Variants in AP2B1 observed in about 807,000 individuals in gnomAD.
AP2B1 encodes the protein AP-2 complex subunit beta.
AP2B1 carries 23 observed loss-of-function variants against 102.0 expected under a neutral mutation model. That is an observed-to-expected ratio of 0.23 (90% CI 0.16 to 0.32). AP2B1 has a LOEUF of 0.32. Ranked by LOEUF, AP2B1 falls within the 10% of genes least tolerant of loss-of-function variation. The pLI, the probability that AP2B1 is intolerant of heterozygous loss-of-function variation, is 1.00. For synonymous variants in AP2B1, 381 were observed against 421.2 expected (o/e 0.90, Z 1.17); for missense variants, 541 against 1,157.4 (o/e 0.47, Z 7.73).
At chr17:35,687,291 A>T (rs1363571971) in intron 18 of AP2B1, among the ~76,000 whole-genome samples, 2 of 151,494 alleles carry the variant, frequency 1.3e-5, no homozygotes, top group Non-Finnish European at 2.9e-5. Context: ...TATATTTTTT[A>T]AAATTTTTTG....
chr17:35,656,598 T>TA (rs1326904532), intron 13 of AP2B1, among the ~76,000 whole-genome samples: 1 of 152,190 alleles, frequency 6.6e-6, no homozygotes, highest in Non-Finnish European at 1.5e-5. Flanking sequence ...TCTTATCATA[T>TA]AAAAAATCAA....
At chr17:35,660,196 A>T (rs1304100923) in intron 14 of AP2B1, 2 of 504,650 alleles carry the variant, frequency 4.0e-6, no homozygotes, top group Admixed American at 1.3e-4. Flanking sequence ...GCGTAGGCTC[A>T]TCTTGAACTC....
At chr17:35,625,094 T>C (rs1304274571) in intron 6 of AP2B1, among the ~76,000 whole-genome samples, 1 of 152,224 alleles carries the variant, frequency 6.6e-6, no homozygotes, top group East Asian at 1.9e-4. Context: ...CTGCTCAGCC[T>C]GTTACCATGT....
intron 11 of AP2B1, 34 bp downstream of exon 11, chr17:35,639,794 T>G: frequency 6.3e-7 from 1 of 1,593,348 alleles, no homozygotes; most frequent in Non-Finnish European, 8.6e-7. Context: ...CCTAGTAGTT[T>G]TAGATGTCTT....
intron 14 of AP2B1, chr17:35,660,137 G>T: frequency 1.1e-6 from 1 of 943,784 alleles, no homozygotes; most frequent in Non-Finnish European, 1.3e-6. Flanking sequence ...GTACAAGAGA[G>T]GGTTTGTTTT....
chr17:35,651,263 T>A (rs1341658977), intron 13 of AP2B1, among the ~76,000 whole-genome samples: 2 of 151,238 alleles, frequency 1.3e-5, no homozygotes, highest in Non-Finnish European at 2.9e-5. Flanking sequence ...AATGAAATAA[T>A]ATTTCAGTAT....
At chr17:35,619,400 T>C (rs879526695) in intron 5 of AP2B1, among the ~76,000 whole-genome samples, 1 of 152,020 alleles carries the variant, frequency 6.6e-6, no homozygotes, top group South Asian at 2.1e-4. Context: ...ATTAGCACTT[T>C]GGGAGGCCAA....
At chr17:35,597,663 C>T (rs936368974) in intron 2 of AP2B1, among the ~76,000 whole-genome samples, 2 of 152,112 alleles carry the variant, frequency 1.3e-5, no homozygotes, top group South Asian at 4.2e-4. Flanking sequence ...ATTTATTTGG[C>T]CCAGAGTGGA....
chr17:35,610,298 C>G (rs2073819746), intron 5 of AP2B1, among the ~76,000 whole-genome samples: 1 of 152,018 alleles, frequency 6.6e-6, no homozygotes, highest in Non-Finnish European at 1.5e-5. Flanking sequence ...CAGGTGCCCA[C>G]TACCATGCCC....
chr17:35,681,859 AT>A (rs2075829103), intron 17 of AP2B1, among the ~76,000 whole-genome samples: 1 of 152,178 alleles, frequency 6.6e-6, no homozygotes, highest in Admixed American at 6.5e-5. Context: ...ACTTAAGAAT[AT>A]TTTCTCCTTC....
chr17:35,646,261 G>T (rs1567891129), intron 12 of AP2B1, among the ~76,000 whole-genome samples: 1 of 152,152 alleles, frequency 6.6e-6, no homozygotes, highest in Non-Finnish European at 1.5e-5. Flanking sequence ...TTACAAAAAG[G>T]TCCTGTATTT....
At chr17:35,706,845 G>T (rs759064098) in intron 18 of AP2B1, among the ~76,000 whole-genome samples, 11 of 151,938 alleles carry the variant, frequency 7.2e-5, no homozygotes, top group South Asian at 2.1e-4. Context: ...TAGAGATGGG[G>T]TTTCACCATC....
rs2075262160 is a variant in AP2B1, at chr17:35,657,601, C to T, written c.1799C>T (p.Thr600Ile). Residue 600 changes from threonine (T) to isoleucine (I), a missense_variant and splice_region_variant, in exon 14 of 22, where the codon ACT (threonine) becomes ATT (isoleucine). By Grantham distance (89) the Thr-to-Ile change is moderately conservative (BLOSUM62 -1). Transcript: ENST00000610402. ...ATTTTATGTGTATGTGACTTTAGCACTGATGCAGGTGACAGCCCTGTTGGC... is the reference window on the plus strand; with the variant it reads ...ATTTTATGTGTATGTGACTTTAGCATTGATGCAGGTGACAGCCCTGTTGGC... ...RKHLPIHHGSTDAGDSPVGTT... is the reference protein window; with the variant it reads ...RKHLPIHHGSIDAGDSPVGTT... 1 of 1,612,172 alleles carries T rather than the reference C, an allele frequency of 6.2e-7. No homozygotes were observed. Among genetic ancestry groups the T allele is most frequent in the Non-Finnish European group, 8.5e-7 (1 of 1,178,764 alleles).
Position 35,706,978 on chromosome 17 carries a change from A to C in AP2B1, c.2455-2246A>C, listed in dbSNP as rs1472266023. 2.0e-5 allele frequency among the ~76,000 whole-genome samples: 3 copies of C among 151,558 alleles called. No individual in the cohort carries two copies. The East Asian group carries it at 5.9e-4, about 30-fold the overall frequency. On this transcript the variant is annotated intron_variant, in intron 18 of 21. Coordinates refer to ENST00000610402, the MANE Select transcript of AP2B1 (RefSeq NM_001030006.2). ...CAGTTTTCACTTCTAAATGTTCTTTACAGAGCCTAGCGCTGTCTCAAGATC... is the reference window on the plus strand; with the variant it reads ...CAGTTTTCACTTCTAAATGTTCTTTCCAGAGCCTAGCGCTGTCTCAAGATC...
intron 14 of AP2B1, among the ~76,000 whole-genome samples, chr17:35,659,399 A>G (rs2075308496): frequency 1.3e-5 from 2 of 152,232 alleles, no homozygotes; most frequent in Non-Finnish European, 2.9e-5. Flanking sequence ...TAAACATAGA[A>G]AAAAAGAGAC....
chr17:35,663,752 G>A (rs1018337405), intron 14 of AP2B1, among the ~76,000 whole-genome samples: 9 of 152,174 alleles, frequency 5.9e-5, no homozygotes, highest in African/African-American at 2.2e-4. Context: ...AAAAAATACA[G>A]CTTGCTTGCC....
chr17:35,670,794 G>C (rs986074125), intron 14 of AP2B1, 63 bp from the exon 15 acceptor site: 1 of 1,501,162 alleles, frequency 6.7e-7, no homozygotes, highest in Non-Finnish European at 9.3e-7. Context: ...TTCTATATGG[G>C]CATCTAGTAT....
At position 35,670,861 on chromosome 17, in the gene AP2B1, G is replaced by A. The variant is rs1408066901; in HGVS notation, c.1994G>A (p.Gly665Asp). 7.4e-6 allele frequency: 12 copies of A among 1,613,718 alleles called. No homozygotes were observed. Among genetic ancestry groups the A allele is most frequent in the Non-Finnish European group, 1.0e-5 (12 of 1,179,926 alleles). Residue 665 changes from glycine (G) to aspartate (D), a missense_variant, in exon 15 of 22, where the codon GGC becomes GAC. Gly to Asp is a moderately conservative substitution (Grantham distance 94). Transcript: ENST00000610402. ...LLGGGLDSLL[G>D]SDLGGGIGGS... ...TCTCTCCTTTCTCTCTTTCAGCTTGGCAGTGACCTTGGCGGGGGCATTGGA... is the reference window on the plus strand; with the variant it reads ...TCTCTCCTTTCTCTCTTTCAGCTTGACAGTGACCTTGGCGGGGGCATTGGA...
At chr17:35,672,576 A>G (rs1460709849) in intron 16 of AP2B1, among the ~76,000 whole-genome samples, 1 of 152,196 alleles carries the variant, frequency 6.6e-6, no homozygotes, top group Admixed American at 6.5e-5. Context: ...TCCCTGCTAT[A>G]GAGATGTAGA....
Sources: gnomAD v4.1 joint callset for allele counts (sites outside exome capture counted in the v4.1 genomes callset) on GRCh38, gnomAD v4.1.1 for gene constraint, MANE v1.5 for transcripts, NCBI Gene and HGNC (gene_info 2026-07-23, HGNC 2026-07-21) for gene names.